The following ZNF704 variants were observed in gnomAD, a reference collection of about 807,000 sequenced individuals.
ZNF704 encodes glucocorticoid induced gene 1.
ZNF704 carries 10 observed loss-of-function variants against 44.7 expected under a neutral mutation model. The ratio of observed to expected loss-of-function variants is 0.22; its 90% CI spans 0.14 to 0.38. ZNF704 has a LOEUF of 0.38. Among genes scored for constraint, ZNF704 ranks in the 10% least tolerant of loss-of-function variants. The pLI is 1.00. For synonymous variants in ZNF704, 211 were observed against 207.6 expected, an observed-to-expected ratio of 1.02 and a Z score of -0.14; for missense variants, 390 against 545.5, an observed-to-expected ratio of 0.71 and a Z score of 2.84.
intron 1 of ZNF704, among the ~76,000 whole-genome samples, chr8:80,828,820 T>C (rs1329530572): frequency 6.6e-6 from 1 of 152,216 alleles, no homozygotes; most frequent in Non-Finnish European, 1.5e-5. Flanking sequence ...CTGAAGTCAC[T>C]GCATCTGCCC....
chr8:80,838,513 C>A (rs1808619393), intron 1 of ZNF704, among the ~76,000 whole-genome samples: 2 of 151,248 alleles, frequency 1.3e-5, no homozygotes, highest in South Asian at 4.2e-4. Flanking sequence ...GGTGAGCAGG[C>A]CAGGCCACAT....
chr8:80,650,353 C>T lies in ZNF704; in HGVS notation c.1033-7224G>A, dbSNP rs150459852. Among the ~76,000 whole-genome samples the T allele has an allele frequency of 9.7e-3, 1,473 of 152,102 alleles. 23 individuals carry two copies. The highest frequency in any genetic ancestry group is 0.034 in the African/African-American group (1,398 of 41,492). The stretch of plus-strand genomic sequence containing the variant: ...CAAGTTGAGAGAAGAAGGCTTCAGA[C>T]GATCAAACTACTCCGAGCTAAAGGA... On this transcript the variant is annotated intron_variant, in intron 7 of 8. Coordinates refer to ENST00000327835, the MANE Select transcript of ZNF704 (RefSeq NM_001033723.3).
intron 2 of ZNF704, among the ~76,000 whole-genome samples, chr8:80,695,391 G>A (rs1818709426): frequency 6.6e-6 from 1 of 152,210 alleles, no homozygotes; most frequent in African/African-American, 2.4e-5. Flanking sequence ...CCAACGGCCA[G>A]TCCACTTTTA....
At chr8:80,824,872 G>T (rs1359222129) in intron 1 of ZNF704, among the ~76,000 whole-genome samples, 1 of 152,154 alleles carries the variant, frequency 6.6e-6, no homozygotes, top group Non-Finnish European at 1.5e-5. Context: ...ACAAACAAAT[G>T]CTGAGAGATT....
chr8:80,865,734 G>A (rs935858646), intron 1 of ZNF704, among the ~76,000 whole-genome samples: 1 of 152,152 alleles, frequency 6.6e-6, no homozygotes, highest in Non-Finnish European at 1.5e-5. Flanking sequence ...CATCAGGTAT[G>A]GCACGGAGAC....
chr8:80,797,599 A>C (rs1317266480), intron 2 of ZNF704, among the ~76,000 whole-genome samples: 2 of 152,090 alleles, frequency 1.3e-5, no homozygotes, highest in East Asian at 1.9e-4. Context: ...AGGAGTGATG[A>C]GGCTAGAATG....
chr8:80,687,834 T>C (rs1036047025), intron 3 of ZNF704, among the ~76,000 whole-genome samples: 4 of 152,208 alleles, frequency 2.6e-5, no homozygotes, highest in African/African-American at 7.2e-5. Flanking sequence ...AGAAATATCA[T>C]TTGCAGTATT....
intron 1 of ZNF704, among the ~76,000 whole-genome samples, chr8:80,835,532 G>A (rs545287474): frequency 2.0e-5 from 3 of 152,306 alleles, no homozygotes; most frequent in South Asian, 2.1e-4. Flanking sequence ...GGGAGGGGAC[G>A]AGTCAGTTAC....
intron 2 of ZNF704, among the ~76,000 whole-genome samples, chr8:80,816,396 G>A (rs1226955478): frequency 6.6e-6 from 1 of 152,216 alleles, no homozygotes; most frequent in Non-Finnish European, 1.5e-5. Flanking sequence ...TAACTGATGA[G>A]TGGATAAACA....
intron 2 of ZNF704, among the ~76,000 whole-genome samples, chr8:80,759,146 C>A (rs1277243124): frequency 6.6e-6 from 1 of 152,146 alleles, no homozygotes; most frequent in African/African-American, 2.4e-5. Context: ...GGAGTAGAAA[C>A]ATGAGCACAA....
In ZNF704 at chr8:80,840,771, T is replaced by C. The variant is rs189950289; in HGVS notation, c.-21-19156A>G. ...AACCAAACCAAAAAACCATGCTTTC[T>C]CCAGGGTCACAAATGAGCCTATCAC... On this transcript the variant is annotated intron_variant, in intron 1 of 8. Transcript: ENST00000327835. 3.3e-4 allele frequency among the ~76,000 whole-genome samples: 51 copies of C among 152,284 alleles called. 1 individual carries two copies. The highest frequency in any genetic ancestry group is 1.2e-3 in the African/African-American group (49 of 41,548).
In ZNF704 at chr8:80,874,055, G is replaced by T. The variant is rs1240842271; in HGVS notation, c.-22+516C>A. ...ACGCCGCGCCTGCATGCCTGAGCGC[G>T]GGGTTGCGGGCCGCGGCGCGGGGCC... On this transcript the variant is annotated intron_variant, in intron 1 of 8. Transcript: ENST00000327835. The surrounding 1 kb of genome is among the most constrained non-coding windows in gnomAD (Gnocchi z 4.4). Among the ~76,000 whole-genome samples the T allele has an allele frequency of 6.8e-6, 1 of 146,926 alleles. No homozygotes were observed. The highest frequency in any genetic ancestry group is 2.4e-5 in the African/African-American group (1 of 40,926).
intron 4 of ZNF704, among the ~76,000 whole-genome samples, chr8:80,672,129 A>T (rs903266515): frequency 1.3e-5 from 2 of 152,226 alleles, no homozygotes; most frequent in African/African-American, 4.8e-5. Context: ...ACATTTCTCA[A>T]AGAAGACATA....
chr8:80,778,845 G>C (rs551092618), intron 2 of ZNF704, among the ~76,000 whole-genome samples: 1 of 152,172 alleles, frequency 6.6e-6, no homozygotes, highest in African/African-American at 2.4e-5. Context: ...ACAGACACTG[G>C]GGCCTACTTG....
At chr8:80,756,767 T>G (rs1048291622) in intron 2 of ZNF704, among the ~76,000 whole-genome samples, 2 of 152,230 alleles carry the variant, frequency 1.3e-5, no homozygotes, top group African/African-American at 4.8e-5. Context: ...TAAACAGTGT[T>G]CATGCATTCA....
intron 1 of ZNF704, among the ~76,000 whole-genome samples, chr8:80,840,493 CATAATA>C (rs1808660113): frequency 6.6e-6 from 1 of 152,174 alleles, no homozygotes; most frequent in African/African-American, 2.4e-5. Flanking sequence ...TAGTAACAAT[CATAATA>C]ATAACAGTTC....
At position 80,693,126 on chromosome 8, in the gene ZNF704, C is replaced by T. The variant is rs1469954320; in HGVS notation, c.222-19G>A. On this transcript the variant is annotated intron_variant, in intron 2 of 8. Transcript: ENST00000327835. ...AGATTTCCTGTAAAACAGGAAGGGA[C>T]ACTGGTGACTGTTCACTCTGCATCT... 2 of 1,602,042 alleles carry T rather than the reference C, an allele frequency of 1.2e-6. No homozygotes were observed. The highest frequency in any genetic ancestry group is 1.7e-6 in the Non-Finnish European group (2 of 1,169,090).
At chr8:80,781,650 G>T (rs1247113117) in intron 2 of ZNF704, among the ~76,000 whole-genome samples, 1 of 152,136 alleles carries the variant, frequency 6.6e-6, no homozygotes, top group African/African-American at 2.4e-5. Flanking sequence ...GGAGAGAAAG[G>T]AATACACCAG....
At chr8:80,710,028 T>C (rs1423817567) in intron 2 of ZNF704, among the ~76,000 whole-genome samples, 1 of 152,210 alleles carries the variant, frequency 6.6e-6, no homozygotes, top group African/African-American at 2.4e-5. Flanking sequence ...CCAGCTTCCC[T>C]GAGGACCAGT....
Sources: gnomAD v4.1 joint callset for allele counts (sites outside exome capture counted in the v4.1 genomes callset) on GRCh38, gnomAD v4.1.1 for gene constraint, Gnocchi (gnomAD v3.1) non-coding constraint, MANE v1.5 for transcripts, NCBI Gene and HGNC (gene_info 2026-07-23, HGNC 2026-07-21) for gene names.